PPFIA2: variants seen among roughly 807,000 people sequenced by gnomAD.
PPFIA2 encodes PPFI scaffold protein A2.
A neutral mutation model predicts 175.5 loss-of-function variants in PPFIA2; 46 were observed. The ratio of observed to expected loss-of-function variants is 0.26; its 90% CI spans 0.21 to 0.34. PPFIA2 has a LOEUF of 0.34. PPFIA2 is among the 10% of genes least tolerant of loss of function. The pLI, the probability that PPFIA2 is intolerant of heterozygous loss-of-function variation, is 1.00. For synonymous variants in PPFIA2, 568 were observed against 511.4 expected, an observed-to-expected ratio of 1.11 and a Z score of -1.49; for missense variants, 1,179 against 1,506.1, an observed-to-expected ratio of 0.78 and a Z score of 3.60.
In PPFIA2 at chr12:81,358,081, C is replaced by A; in HGVS notation, c.1773+1G>T. 1 of 1,592,438 alleles carries A rather than the reference C, an allele frequency of 6.3e-7. No homozygotes were observed. Among genetic ancestry groups the A allele is most frequent in the Non-Finnish European group, 8.5e-7 (1 of 1,171,132 alleles). ...AGAAGAGTTGAAGTTAAAAGATTAA[C>A]CTTTGGCTCATCTCTTCGCACACCC... On this transcript the variant is annotated splice_donor_variant, in intron 16 of 32. Transcript: ENST00000549396. LOFTEE classifies it high-confidence loss of function.
intron 16 of PPFIA2, among the ~76,000 whole-genome samples, chr12:81,357,518 T>C (rs900156040): frequency 2.6e-5 from 4 of 152,208 alleles, no homozygotes; most frequent in African/African-American, 9.6e-5. Context: ...ACTGACTGAA[T>C]GGAAGGCTAG....
intron 3 of PPFIA2, among the ~76,000 whole-genome samples, chr12:81,692,943 A>T (rs2075427475): frequency 1.3e-5 from 2 of 152,162 alleles, no homozygotes; most frequent in African/African-American, 2.4e-5. Flanking sequence ...TTATTTATAA[A>T]TAGCTTGGCC....
At chr12:81,490,297 C>T (rs1326383713) in intron 4 of PPFIA2, among the ~76,000 whole-genome samples, 1 of 151,848 alleles carries the variant, frequency 6.6e-6, no homozygotes, top group Non-Finnish European at 1.5e-5. Context: ...ACGCAACCCA[C>T]TGAAAATAGC....
chr12:81,354,654 T>C (rs943395091), intron 16 of PPFIA2, among the ~76,000 whole-genome samples: 1 of 151,992 alleles, frequency 6.6e-6, no homozygotes, highest in Non-Finnish European at 1.5e-5. Flanking sequence ...GGTTGATTTT[T>C]TTTTTTTGAG....
In PPFIA2 at chr12:81,534,342, C is replaced by T. The variant is rs994369733; in HGVS notation, c.304-76476G>A. Reference sequence around the variant, plus strand: ...AACAACTAGAAGAGAGGACTTAAAACGTTCCCACCACATAAAATTGAGAAA... The same window carrying T: ...AACAACTAGAAGAGAGGACTTAAAATGTTCCCACCACATAAAATTGAGAAA... On this transcript the variant is annotated intron_variant, in intron 4 of 32. Transcript: ENST00000549396. Among the ~76,000 whole-genome samples, 7 of 151,710 alleles carry T rather than the reference C, an allele frequency of 4.6e-5. No homozygotes were observed. In the Middle Eastern group the frequency reaches 0.01, roughly 221 times the overall value.
At chr12:81,662,852 C>G (rs1054207516) in intron 4 of PPFIA2, among the ~76,000 whole-genome samples, 1 of 152,172 alleles carries the variant, frequency 6.6e-6, no homozygotes, top group Admixed American at 6.5e-5. Flanking sequence ...AGCTTATCCA[C>G]CATGATCAAG....
chr12:81,542,729 C>T (rs1473672452), intron 4 of PPFIA2, among the ~76,000 whole-genome samples: 1 of 151,972 alleles, frequency 6.6e-6, no homozygotes, highest in East Asian at 1.9e-4. Context: ...AGATATAAAT[C>T]TTTTAAACAG....
Position 81,367,093 on chromosome 12 carries a change from A to G in PPFIA2, c.1545+15T>C. ...AAAATAGAAAATGGGCCCAAAACAT[A>G]AGTTTCCATTATACCTTATCATGTA... is the stretch of plus-strand genomic sequence containing the variant. On this transcript the variant is annotated intron_variant, in intron 14 of 32. Coordinates refer to ENST00000549396, the MANE Select transcript of PPFIA2 (RefSeq NM_003625.5). 6.8e-7 allele frequency: 1 copy of G among 1,465,406 alleles called. No homozygotes were observed. Among genetic ancestry groups the G allele is most frequent in the Non-Finnish European group, 9.1e-7 (1 of 1,103,862 alleles). 90.8% of individuals were successfully genotyped at this position (1,465,406 alleles called of 1,614,324 possible).
chr12:81,661,453 G>C (rs1031702171), intron 4 of PPFIA2, among the ~76,000 whole-genome samples: 1 of 152,090 alleles, frequency 6.6e-6, no homozygotes, highest in Non-Finnish European at 1.5e-5. Context: ...AGACAAAGAA[G>C]GCCATTACAT....
chr12:81,413,194 GGAC>G (rs1176488201), intron 7 of PPFIA2, among the ~76,000 whole-genome samples: 2 of 151,520 alleles, frequency 1.3e-5, no homozygotes, highest in African/African-American at 4.8e-5. Flanking sequence ...TCAGTTCTTA[GGAC>G]ACTGACTGAC....
chr12:81,566,448 C>T (rs1296978851), intron 4 of PPFIA2, among the ~76,000 whole-genome samples: 2 of 141,886 alleles, frequency 1.4e-5, no homozygotes, highest in African/African-American at 2.6e-5. Flanking sequence ...CACTTGAAGC[C>T]GGGAGGCGGA....
intron 20 of PPFIA2, 90 bp from the exon 21 acceptor site, chr12:81,339,424 G>A: frequency 9.6e-7 from 1 of 1,037,532 alleles, no homozygotes; most frequent in South Asian, 3.6e-5. Context: ...GGAGGAACAA[G>A]CAGACTTGTA....
At chr12:81,381,338 G>A (rs1308900510) in intron 9 of PPFIA2, among the ~76,000 whole-genome samples, 1 of 152,124 alleles carries the variant, frequency 6.6e-6, no homozygotes. Flanking sequence ...TCATAGGAGT[G>A]ACATTTTCCA....
At chr12:81,502,351 T>C (rs1404693655) in intron 4 of PPFIA2, among the ~76,000 whole-genome samples, 1 of 152,226 alleles carries the variant, frequency 6.6e-6, no homozygotes, top group Non-Finnish European at 1.5e-5. Flanking sequence ...GAAACATTTG[T>C]GCAATGTAGA....
chr12:81,270,048 C>A (rs1160759816), intron 28 of PPFIA2, among the ~76,000 whole-genome samples: 1 of 152,114 alleles, frequency 6.6e-6, no homozygotes, highest in Non-Finnish European at 1.5e-5. Flanking sequence ...CCTAACACCA[C>A]CTGTTCCCCA....
chr12:81,415,055 G>A (rs142249138), intron 7 of PPFIA2, among the ~76,000 whole-genome samples: 67 of 148,498 alleles, frequency 4.5e-4, no homozygotes, highest in African/African-American at 1.5e-3. Context: ...CAATTTAAAT[G>A]GCTTTCATTA....
intron 3 of PPFIA2, among the ~76,000 whole-genome samples, chr12:81,726,241 T>C (rs995646162): frequency 6.6e-6 from 1 of 151,254 alleles, no homozygotes; most frequent in African/African-American, 2.4e-5. Flanking sequence ...GGAAGTCCCA[T>C]CCCTCTCTCA....
At chr12:81,550,675 C>T (rs2067769625) in intron 4 of PPFIA2, among the ~76,000 whole-genome samples, 1 of 151,742 alleles carries the variant, frequency 6.6e-6, no homozygotes. Flanking sequence ...TATTGATGTG[C>T]ATAGGGGATG....
intron 4 of PPFIA2, among the ~76,000 whole-genome samples, chr12:81,636,358 C>CG (rs2064037468): frequency 6.7e-6 from 1 of 149,656 alleles, no homozygotes; most frequent in Non-Finnish European, 1.5e-5. Context: ...CTCCGCCTCC[C>CG]GGGTTCACGC....
Sources: gnomAD v4.1 joint callset for allele counts (sites outside exome capture counted in the v4.1 genomes callset) on GRCh38, gnomAD v4.1.1 for gene constraint, MANE v1.5 for transcripts, NCBI Gene and HGNC (gene_info 2026-07-23, HGNC 2026-07-21) for gene names.